Variants in GRK5 observed in about 807,000 individuals in gnomAD.
GRK5 encodes the protein g protein-coupled receptor kinase GRK5.
GRK5 carries 40 observed loss-of-function variants against 78.4 expected under a neutral mutation model. The ratio of observed to expected loss-of-function variants is 0.51; its 90% CI spans 0.40 to 0.66. GRK5 has a LOEUF of 0.66. Among genes scored for constraint, GRK5 ranks in the 30% least tolerant of loss-of-function variants. The pLI is 0.00. For missense variants in GRK5, 598 were observed against 759.9 expected (o/e 0.79, Z 2.50); for synonymous variants, 289 against 296.8 (o/e 0.97, Z 0.27).
intron 2 of GRK5, among the ~76,000 whole-genome samples, chr10:119,329,506 C>T (rs1228147171): frequency 6.6e-6 from 1 of 152,094 alleles, no homozygotes; most frequent in Non-Finnish European, 1.5e-5. Context: ...CCAGTGGGTG[C>T]AGACTAAAAA....
intron 11 of GRK5, 151 bp from the exon 12 acceptor site, chr10:119,443,393 G>A (rs75555098): frequency 0.017 from 10,809 of 641,856 alleles, 187 homozygotes; most frequent in Admixed American, 0.05. Flanking sequence ...ACAGAGGAGA[G>A]TCATCAGGGC....
intron 1 of GRK5, among the ~76,000 whole-genome samples, chr10:119,278,156 G>A (rs778932182): frequency 6.6e-6 from 1 of 152,148 alleles, no homozygotes; most frequent in East Asian, 1.9e-4. Flanking sequence ...ACAAGGAATC[G>A]TTGTTTTTAG....
At chr10:119,299,099 T>C (rs1165873428) in intron 1 of GRK5, among the ~76,000 whole-genome samples, 1 of 152,226 alleles carries the variant, frequency 6.6e-6, no homozygotes, top group Non-Finnish European at 1.5e-5. Context: ...ACCAGCAGAA[T>C]GAATAAATGA....
Position 119,459,635 on chromosome 10 carries a change from T to C in GRK5, c.*4568T>C, listed in dbSNP as rs1853451450. ...CTCCTGAAGGCAGCGGCTTCTGTTC[T>C]CCCGCTGCTGTAACTCTGTGTGTTC... On this transcript the variant is annotated 3_prime_UTR_variant, in exon 16 of 16. Transcript: ENST00000392870. 2.6e-5 allele frequency: 4 copies of C among 152,268 alleles called. No homozygotes were observed. 9.4% of individuals were successfully genotyped at this position (152,268 alleles called of 1,614,324 possible). A position where few individuals can be genotyped will look rare whatever the true frequency, so the allele number is the denominator to read the frequency against.
chr10:119,342,359 T>C (rs1850998586), intron 2 of GRK5, among the ~76,000 whole-genome samples: 1 of 152,118 alleles, frequency 6.6e-6, no homozygotes, highest in Non-Finnish European at 1.5e-5. Context: ...AGGGACCTGG[T>C]TTTCATCCAG....
intron 1 of GRK5, among the ~76,000 whole-genome samples, chr10:119,284,934 G>A (rs1343390399): frequency 6.6e-6 from 1 of 152,238 alleles, no homozygotes; most frequent in African/African-American, 2.4e-5. Context: ...TGGGCTGCCT[G>A]GAGGACTTGC....
chr10:119,413,470 C>T (rs1019050224), intron 4 of GRK5, among the ~76,000 whole-genome samples: 5 of 151,826 alleles, frequency 3.3e-5, no homozygotes, highest in African/African-American at 1.2e-4. Flanking sequence ...GTGCCAGGAA[C>T]ATCATCAGTT....
At position 119,311,914 on chromosome 10, in the gene GRK5, A is replaced by ACTTTTTTT. The variant is rs34048341; in HGVS notation, c.53-14602_53-14601insCTTTTTTT. On this transcript the variant is annotated intron_variant, in intron 1 of 15. Coordinates refer to ENST00000392870, the MANE Select transcript of GRK5 (RefSeq NM_005308.3). ...TGTACTGAATGCTACTGAATTGTTC[A>ACTTTTTTT]TTTTTTTTTTTTTTTTTTTGAGACG... Among the ~76,000 whole-genome samples the ACTTTTTTT allele has an allele frequency of 3.6e-5, 5 of 137,814 alleles. 1 individual carries two copies. Among genetic ancestry groups the ACTTTTTTT allele is most frequent in the Non-Finnish European group, 1.5e-5 (1 of 64,916 alleles). 90.4% of individuals were successfully genotyped at this position (137,814 alleles called of 152,430 possible).
intron 2 of GRK5, among the ~76,000 whole-genome samples, chr10:119,373,461 AG>A (rs1851578322): frequency 6.6e-6 from 1 of 152,228 alleles, no homozygotes; most frequent in African/African-American, 2.4e-5. Flanking sequence ...GGTTTTATAA[AG>A]GGGAGTTCCC....
intron 13 of GRK5, among the ~76,000 whole-genome samples, 159 bp downstream of exon 13, chr10:119,448,419 T>TG: frequency 6.6e-6 from 1 of 152,330 alleles, no homozygotes; most frequent in East Asian, 1.9e-4. Flanking sequence ...AAGCTGCAGA[T>TG]GAACTTCACG....
At chr10:119,375,252 C>T (rs914057307) in intron 2 of GRK5, among the ~76,000 whole-genome samples, 1 of 152,208 alleles carries the variant, frequency 6.6e-6, no homozygotes, top group Non-Finnish European at 1.5e-5. Context: ...CCTGGCATCT[C>T]ACCTGGAGGT....
intron 4 of GRK5, among the ~76,000 whole-genome samples, chr10:119,404,217 G>A (rs1852198114): frequency 6.6e-6 from 1 of 152,232 alleles, no homozygotes; most frequent in Non-Finnish European, 1.5e-5. Context: ...CTTAGTGGGT[G>A]TGAAGTGGTG....
rs1853319620 is a variant in GRK5 at position 119,452,881 on chromosome 10, A to G, written c.1542+73A>G. On this transcript the variant is annotated intron_variant, in intron 14 of 15. Coordinates refer to ENST00000392870, the MANE Select transcript of GRK5 (RefSeq NM_005308.3). This position sits in a 1 kb window ranked among gnomAD's most constrained non-coding sequence, Gnocchi z 4.4. ...TGACGGGTGGAAGGAGGCGTCGGGA[A>G]TATGAGTTTGGCGGCAGGAGGCTGA... is the stretch of plus-strand genomic sequence containing the variant. 1 of 1,495,524 alleles carries G rather than the reference A, an allele frequency of 6.7e-7. No homozygotes were observed. Among genetic ancestry groups the G allele is most frequent in the East Asian group, 2.3e-5 (1 of 43,006 alleles). 92.6% of individuals were successfully genotyped at this position (1,495,524 alleles called of 1,614,324 possible).
rs1369220227 is a variant in GRK5, at chr10:119,458,998, CA to C, written c.*3932del. The C allele has an allele frequency of 6.6e-6, 1 of 152,226 alleles. No homozygotes were observed. Among genetic ancestry groups the C allele is most frequent in the East Asian group, 1.9e-4 (1 of 5,190 alleles). 9.4% of individuals were successfully genotyped at this position (152,226 alleles called of 1,614,324 possible). On this transcript the variant is annotated 3_prime_UTR_variant, in exon 16 of 16. Transcript: ENST00000392870. ...CTGTCCTCTGGGGTCCCCTGGTGTG[CA>C]TGCACGTCCTCCTGAATACCTGTAC... is the stretch of plus-strand genomic sequence containing the variant.
chr10:119,449,239 G>A (rs1414989842), intron 13 of GRK5, among the ~76,000 whole-genome samples: 2 of 152,182 alleles, frequency 1.3e-5, no homozygotes, highest in East Asian at 3.9e-4. Flanking sequence ...ACAAATCAGG[G>A]CCTCTGCGTC....
At chr10:119,313,170 GTGGTGGTGATGGTGATGA>G (rs1850415517) in intron 1 of GRK5, among the ~76,000 whole-genome samples, 1 of 148,188 alleles carries the variant, frequency 6.7e-6, no homozygotes, top group Non-Finnish European at 1.5e-5. Context: ...AATGGTAGTG[GTGGTGGTGATGGTGATGA>G]TGATGGTGGT....
At chr10:119,250,517 A>ATTTTTTT (rs5788333) in intron 1 of GRK5, among the ~76,000 whole-genome samples, 1 of 136,032 alleles carries the variant, frequency 7.4e-6, no homozygotes, top group Non-Finnish European at 1.5e-5. Context: ...CCTCATTTAA[A>ATTTTTTT]TTTTTTTTTT....
intron 1 of GRK5, among the ~76,000 whole-genome samples, chr10:119,284,587 C>G (rs1251537685): frequency 6.6e-6 from 1 of 152,254 alleles, no homozygotes; most frequent in Non-Finnish European, 1.5e-5. Context: ...CCAGCCACAT[C>G]TCAAGTGCTC....
intron 2 of GRK5, among the ~76,000 whole-genome samples, chr10:119,361,278 A>T (rs1322365945): frequency 6.6e-6 from 1 of 151,992 alleles, no homozygotes; most frequent in Non-Finnish European, 1.5e-5. Context: ...CTGGTGCGGG[A>T]ACATGAGCAG....
Sources: gnomAD v4.1 joint callset for allele counts (sites outside exome capture counted in the v4.1 genomes callset) on GRCh38, gnomAD v4.1.1 for gene constraint, Gnocchi (gnomAD v3.1) non-coding constraint, MANE v1.5 for transcripts, NCBI Gene and HGNC (gene_info 2026-07-23, HGNC 2026-07-21) for gene names.